Variants in CNTNAP2 observed in about 807,000 individuals in gnomAD.
CNTNAP2 encodes the protein contactin associated protein 2, also known as contactin-associated protein-like 2.
A neutral mutation model predicts 155.2 loss-of-function variants in CNTNAP2; 98 were observed. The observed-to-expected ratio is 0.63, with a 90% CI of 0.54 to 0.75. The LOEUF (loss-of-function observed/expected upper bound fraction) is 0.75, where lower values mean the gene tolerates loss of function less well. Ranked by LOEUF, CNTNAP2 falls within the 30% of genes least tolerant of loss-of-function variation. The probability of loss-of-function intolerance (pLI) is 0.00; values close to 1 mark genes in which losing one functional copy is unlikely to be tolerated. For synonymous variants in CNTNAP2, 651 were observed against 631.2 expected (o/e 1.03, Z -0.47); for missense variants, 1,727 against 1,688.1 (o/e 1.02, Z -0.40).
intron 9 of CNTNAP2, among the ~76,000 whole-genome samples, chr7:147,379,500 A>T (rs1426903514): frequency 6.6e-6 from 1 of 152,070 alleles, no homozygotes; most frequent in Non-Finnish European, 1.5e-5. Flanking sequence ...CTTTATTTCA[A>T]AAGATACCAG....
intron 1 of CNTNAP2, among the ~76,000 whole-genome samples, chr7:146,221,615 C>T (rs1205349485): frequency 6.6e-6 from 1 of 152,044 alleles, no homozygotes; most frequent in Non-Finnish European, 1.5e-5. Flanking sequence ...CCGATATTTT[C>T]TGGGTAAAAT....
chr7:148,151,852 G>A (rs1188695521), intron 17 of CNTNAP2, among the ~76,000 whole-genome samples: 1 of 152,114 alleles, frequency 6.6e-6, no homozygotes, highest in Non-Finnish European at 1.5e-5. Context: ...ACCTGCAGAG[G>A]CCACAGAGCA....
chr7:146,513,523 C>G (rs938198927), intron 1 of CNTNAP2, among the ~76,000 whole-genome samples: 1 of 150,954 alleles, frequency 6.6e-6, no homozygotes. Context: ...AAACAAACAA[C>G]AATTAACTTT....
intron 10 of CNTNAP2, among the ~76,000 whole-genome samples, chr7:147,401,362 T>C (rs1444248296): frequency 6.6e-6 from 1 of 152,226 alleles, no homozygotes; most frequent in Non-Finnish European, 1.5e-5. Flanking sequence ...TAAGTCTTCA[T>C]TATATTTTTG....
intron 1 of CNTNAP2, among the ~76,000 whole-genome samples, chr7:146,433,507 A>G (rs1461064821): frequency 3.3e-5 from 5 of 152,152 alleles, no homozygotes; most frequent in Non-Finnish European, 7.4e-5. Flanking sequence ...TGCTTTTCAT[A>G]ATATAAACTC....
At chr7:146,143,624 G>C (rs1004251417) in intron 1 of CNTNAP2, among the ~76,000 whole-genome samples, 5 of 152,030 alleles carry the variant, frequency 3.3e-5, no homozygotes, top group African/African-American at 9.7e-5. Context: ...TTTCATATTA[G>C]AATGTTTTCA....
intron 1 of CNTNAP2, among the ~76,000 whole-genome samples, chr7:146,340,393 T>G (rs1480895508): frequency 6.6e-6 from 1 of 151,228 alleles, no homozygotes; most frequent in Non-Finnish European, 1.5e-5. Context: ...AATGATGTTT[T>G]TTCCTGAATA....
At position 147,030,760 on chromosome 7, in the gene CNTNAP2, T is replaced by C. The variant is rs1466393320; in HGVS notation, c.403-13147T>C. On this transcript the variant is annotated intron_variant, in intron 3 of 23. Coordinates refer to ENST00000361727, the MANE Select transcript of CNTNAP2 (RefSeq NM_014141.6). ...AAGGCCAGGCATGATGATTCATGTCTGTAATCCTAGCACTTTAAGAGGCCA... is the reference window on the plus strand; with the variant it reads ...AAGGCCAGGCATGATGATTCATGTCCGTAATCCTAGCACTTTAAGAGGCCA... 7.9e-5 allele frequency among the ~76,000 whole-genome samples: 12 copies of C among 152,190 alleles called. No homozygotes were observed. In the East Asian group the frequency reaches 2.1e-3, roughly 27 times the overall value.
intron 1 of CNTNAP2, among the ~76,000 whole-genome samples, chr7:146,427,765 G>A (rs1291584146): frequency 1.3e-5 from 2 of 152,056 alleles, no homozygotes; most frequent in Non-Finnish European, 2.9e-5. Flanking sequence ...AAGTTCAGGG[G>A]GACATGTACA....
intron 5 of CNTNAP2, 132 bp from the exon 6 acceptor site, chr7:147,120,847 C>T: frequency 1.2e-6 from 1 of 811,518 alleles, no homozygotes; most frequent in South Asian, 1.4e-5. Flanking sequence ...TTACTGGTAT[C>T]CCAGGTTAAC....
chr7:146,194,753 G>A (rs1388446650), intron 1 of CNTNAP2, among the ~76,000 whole-genome samples: 3 of 152,160 alleles, frequency 2.0e-5, no homozygotes, highest in African/African-American at 2.4e-5. Context: ...TGAAGTTCAT[G>A]ATATTTTATC....
intron 8 of CNTNAP2, among the ~76,000 whole-genome samples, chr7:147,290,625 G>T (rs998962204): frequency 1.3e-5 from 2 of 148,910 alleles, no homozygotes; most frequent in African/African-American, 2.5e-5. Flanking sequence ...GGAGGTTGCA[G>T]TGGGCTGAGA....
At chr7:147,108,058 A>G (rs1800801643) in intron 4 of CNTNAP2, 89 bp from the exon 5 acceptor site, 3 of 1,154,616 alleles carry the variant, frequency 2.6e-6, no homozygotes, top group South Asian at 1.3e-5. Flanking sequence ...ACACTTACTT[A>G]ATTCTCATTT....
intron 18 of CNTNAP2, among the ~76,000 whole-genome samples, chr7:148,192,708 A>G (rs1795219804): frequency 6.6e-6 from 1 of 152,192 alleles, no homozygotes; most frequent in Admixed American, 6.6e-5. Flanking sequence ...GACACATGCC[A>G]ACTACTTTGA....
In CNTNAP2 at chr7:147,125,960, T is replaced by C. The variant is rs115312353; in HGVS notation, c.940-2733T>C. ...CCTTTTTAATCTTGCTCTTCCTCTA[T>C]CCCTGTTGCAAATCACTCAAAGACG... is the stretch of plus-strand genomic sequence containing the variant. On this transcript the variant is annotated intron_variant, in intron 6 of 23. Transcript: ENST00000361727. Among the ~76,000 whole-genome samples the C allele has an allele frequency of 2.9e-3, 439 of 152,284 alleles. 3 individuals carry two copies. The highest frequency in any genetic ancestry group is 1.0e-2 in the African/African-American group (415 of 41,554).
intron 12 of CNTNAP2, among the ~76,000 whole-genome samples, chr7:147,570,411 T>C (rs1433098524): frequency 6.6e-6 from 1 of 152,216 alleles, no homozygotes; most frequent in Non-Finnish European, 1.5e-5. Flanking sequence ...ATTTAGATTA[T>C]AAAATCTTAG....
At chr7:148,065,909 ATTT>A (rs1803249595) in intron 15 of CNTNAP2, among the ~76,000 whole-genome samples, 1 of 152,016 alleles carries the variant, frequency 6.6e-6, no homozygotes, top group African/African-American at 2.4e-5. Flanking sequence ...AGGAGGTTCT[ATTT>A]TGGTGTATTT....
At chr7:147,939,203 T>C (rs1034872004) in intron 14 of CNTNAP2, among the ~76,000 whole-genome samples, 1 of 151,958 alleles carries the variant, frequency 6.6e-6, no homozygotes, top group Non-Finnish European at 1.5e-5. Flanking sequence ...ACCTAAAAAA[T>C]AGGGAAGAGG....
chr7:146,298,882 C>T (rs983778387), intron 1 of CNTNAP2, among the ~76,000 whole-genome samples: 3 of 152,118 alleles, frequency 2.0e-5, no homozygotes, highest in Non-Finnish European at 4.4e-5. Flanking sequence ...CTTGAGTTTG[C>T]GTGCTAGCAC....
Sources: allele counts gnomAD v4.1 joint callset (sites outside exome capture counted in the v4.1 genomes callset), GRCh38; gene constraint gnomAD v4.1.1; transcripts MANE v1.5; gene names NCBI Gene and HGNC (gene_info 2026-07-23, HGNC 2026-07-21).